Variants in EML6 observed in about 807,000 individuals in gnomAD.
The protein encoded by EML6 is EMAP like 6.
A neutral mutation model predicts 240.1 loss-of-function variants in EML6; 154 were observed. The ratio of observed to expected loss-of-function variants is 0.64; its 90% CI spans 0.56 to 0.73. The LOEUF is 0.73. Ranked by LOEUF, EML6 falls within the 30% of genes least tolerant of loss-of-function variation. EML6 has a pLI of 0.00. For synonymous variants in EML6, 1,148 were observed against 899.0 expected (o/e 1.28, Z -4.95); for missense variants, 2,964 against 2,474.6 (o/e 1.20, Z -4.20).
At chr2:54,789,783 G>C (rs1669327599) in intron 2 of EML6, among the ~76,000 whole-genome samples, 1 of 152,204 alleles carries the variant, frequency 6.6e-6, no homozygotes, top group African/African-American at 2.4e-5. Context: ...CTAATAGGTA[G>C]AATAGAAGGA....
At chr2:54,918,607 A>G (rs1220235002) in intron 26 of EML6, among the ~76,000 whole-genome samples, 2 of 152,240 alleles carry the variant, frequency 1.3e-5, no homozygotes, top group Non-Finnish European at 2.9e-5. Context: ...TGGGCCTCCC[A>G]AAGTATTGGA....
intron 2 of EML6, among the ~76,000 whole-genome samples, chr2:54,810,768 T>C (rs528968843): frequency 1.4e-4 from 22 of 152,270 alleles, no homozygotes; most frequent in Middle Eastern, 3.4e-3. Flanking sequence ...AGGAACTGTT[T>C]AGAGTGATGG....
intron 37 of EML6, 54 bp downstream of exon 37, chr2:54,964,212 C>T: frequency 6.6e-7 from 1 of 1,508,016 alleles, no homozygotes; most frequent in Non-Finnish European, 8.9e-7. Flanking sequence ...TTCTGCTTAC[C>T]AGTGGTTCCC....
intron 9 of EML6, among the ~76,000 whole-genome samples, 184 bp from the exon 10 acceptor site, chr2:54,849,778 G>A (rs1357837204): frequency 1.3e-5 from 2 of 152,162 alleles, no homozygotes; most frequent in African/African-American, 2.4e-5. Context: ...GTAAGCCACC[G>A]CGCCCGGCCA....
At chr2:54,751,580 C>G (rs72915547) in intron 2 of EML6, among the ~76,000 whole-genome samples, 3 of 152,124 alleles carry the variant, frequency 2.0e-5, no homozygotes, top group Non-Finnish European at 2.9e-5. Flanking sequence ...CAGTAATACC[C>G]CGTCCCCTCA....
At chr2:54,944,266 C>G (rs933270618) in intron 28 of EML6, among the ~76,000 whole-genome samples, 1 of 151,444 alleles carries the variant, frequency 6.6e-6, no homozygotes, top group Non-Finnish European at 1.5e-5. Context: ...AACTCATCAT[C>G]TTCCCTCATT....
At chr2:54,822,340 C>A (rs1017912044) in intron 5 of EML6, among the ~76,000 whole-genome samples, 20 of 152,134 alleles carry the variant, frequency 1.3e-4, no homozygotes, top group Non-Finnish European at 2.2e-4. Context: ...AATATTTATC[C>A]TTAGAAATGT....
chr2:54,827,045 C>A (rs1038457464), intron 5 of EML6, among the ~76,000 whole-genome samples: 1 of 151,908 alleles, frequency 6.6e-6, no homozygotes, highest in Admixed American at 6.5e-5. Flanking sequence ...TGGTGGTGCA[C>A]TCCTATAATC....
chr2:54,767,110 G>T (rs1668215751), intron 2 of EML6, among the ~76,000 whole-genome samples: 1 of 152,142 alleles, frequency 6.6e-6, no homozygotes, highest in Admixed American at 6.5e-5. Flanking sequence ...GAATGAGGCA[G>T]TCAAAGTAGG....
chr2:54,809,560 G>C (rs1336170346), intron 2 of EML6, among the ~76,000 whole-genome samples: 1 of 152,160 alleles, frequency 6.6e-6, no homozygotes, highest in Non-Finnish European at 1.5e-5. Flanking sequence ...ACTCAGAAAG[G>C]AGCAGAGAGC....
rs1033530347 is a variant in EML6 at position 54,789,251 on chromosome 2, C to T, written c.198-23981C>T. ...CTTTCCGGCCGGGCGCGGTGGCTCA[C>T]GCTTGTAATCCCAGCACTTTGGGAG... On this transcript the variant is annotated intron_variant, in intron 2 of 41. Transcript: ENST00000356458. Among the ~76,000 whole-genome samples the T allele has an allele frequency of 3.6e-4, 54 of 152,096 alleles. 1 individual carries two copies. Among genetic ancestry groups the T allele is most frequent in the African/African-American group, 1.3e-3 (52 of 41,432 alleles).
At chr2:54,761,583 A>G (rs1215241197) in intron 2 of EML6, among the ~76,000 whole-genome samples, 1 of 152,214 alleles carries the variant, frequency 6.6e-6, no homozygotes, top group Non-Finnish European at 1.5e-5. Context: ...AATTTGGTCA[A>G]AAGTGATTCT....
At chr2:54,925,136 T>C (rs541162758) in intron 26 of EML6, among the ~76,000 whole-genome samples, 1 of 152,266 alleles carries the variant, frequency 6.6e-6, no homozygotes, top group South Asian at 2.1e-4. Context: ...CCTAATCTGA[T>C]AGAATCAGTG....
intron 2 of EML6, 69 bp from the exon 3 acceptor site, chr2:54,813,163 G>C: frequency 8.8e-7 from 1 of 1,137,488 alleles, no homozygotes; most frequent in Non-Finnish European, 1.3e-6. Context: ...ATGAGAAACA[G>C]ATTTGGATAA....
Position 54,850,153 on chromosome 2 carries a change from C to G in EML6, c.1379C>G (p.Ser460Cys), listed in dbSNP as rs1216367095. 6 of 1,551,360 alleles carry G rather than the reference C, an allele frequency of 3.9e-6. No individual in the cohort carries two copies. In the Admixed American group the frequency reaches 1.2e-4, roughly 30 times the overall value. ...SLSFITHIDWSLDSKYLQTND... is the reference protein window; with the variant it reads ...SLSFITHIDWCLDSKYLQTND... ...AGTTTCATCACGCATATTGACTGGTCCTTGGATAGTAAATACTTACAAACT... is the reference window on the plus strand; with the variant it reads ...AGTTTCATCACGCATATTGACTGGTGCTTGGATAGTAAATACTTACAAACT... Residue 460 changes from serine to cysteine, a missense_variant, in exon 10 of 42, where the codon TCC becomes TGC. Transcript: ENST00000356458.
rs1553370078 is a variant in EML6 at position 54,744,962 on chromosome 2, A to ACACC, written c.197+19705_197+19706insACCC. ...CACACACACACACACACACACACAC[A>ACACC]CCCTGCCATGCAGGCCTTCCCAGTG... On this transcript the variant is annotated intron_variant, in intron 2 of 41. Coordinates refer to ENST00000356458, the MANE Select transcript of EML6 (RefSeq NM_001039753.4). 2.0e-3 allele frequency among the ~76,000 whole-genome samples: 171 copies of ACACC among 86,022 alleles called. 3 individuals carry two copies. The highest frequency in any genetic ancestry group is 3.6e-3 in the Non-Finnish European group (135 of 37,874). 56.4% of individuals were successfully genotyped at this position (86,022 alleles called of 152,430 possible). A position where few individuals can be genotyped will look rare whatever the true frequency, so the allele number is the denominator to read the frequency against.
chr2:54,816,364 C>T (rs770026589), intron 3 of EML6, among the ~76,000 whole-genome samples: 19 of 152,104 alleles, frequency 1.2e-4, no homozygotes, highest in Admixed American at 6.5e-5. Context: ...TTATTCTATT[C>T]GTCAAACCCT....
intron 4 of EML6, among the ~76,000 whole-genome samples, chr2:54,819,454 C>T (rs759353411): frequency 3.3e-5 from 5 of 152,106 alleles, no homozygotes; most frequent in East Asian, 1.9e-4. Context: ...AATAGAACTA[C>T]GTGCAAACTG....
intron 2 of EML6, among the ~76,000 whole-genome samples, chr2:54,801,075 T>C (rs897887568): frequency 6.6e-6 from 1 of 152,000 alleles, no homozygotes. Flanking sequence ...AATCCCAGCA[T>C]TTTGGGAGGC....
Sources: allele counts gnomAD v4.1 joint callset (sites outside exome capture counted in the v4.1 genomes callset), GRCh38; gene constraint gnomAD v4.1.1; transcripts MANE v1.5; gene names NCBI Gene and HGNC (gene_info 2026-07-23, HGNC 2026-07-21).